The following NXPE2 variants were observed in gnomAD, a reference collection of about 807,000 sequenced individuals.
NXPE2 encodes the protein neurexophilin and PC-esterase domain family member 2, also known as NXPE family member 2.
A neutral mutation model predicts 34.4 loss-of-function variants in NXPE2; 34 were observed. That is an observed-to-expected ratio of 0.99 (90% CI 0.75 to 1.31). The LOEUF is 1.31. Among genes scored for constraint, NXPE2 ranks in the 40% most tolerant of loss-of-function variants. NXPE2 has a pLI of 0.00. For missense variants in NXPE2, 649 were observed against 672.5 expected, an observed-to-expected ratio of 0.97 and a Z score of 0.39; for synonymous variants, 235 against 231.3, an observed-to-expected ratio of 1.02 and a Z score of -0.15.
chr11:114,759,279 A>T, the NXPE2 span, among the ~76,000 whole-genome samples: 1 of 152,204 alleles, frequency 6.6e-6, no homozygotes, highest in East Asian at 1.9e-4. Flanking sequence ...CTTCAGACCC[A>T]GGCCATCTAG....
the NXPE2 span, among the ~76,000 whole-genome samples, chr11:114,602,332 A>G: frequency 7.2e-4 from 88 of 122,068 alleles, no homozygotes; most frequent in Admixed American, 2.0e-3. Flanking sequence ...TACTATATAT[A>G]TGTTATCTAT....
chr11:114,662,000 C>T, the NXPE2 span, among the ~76,000 whole-genome samples: 1 of 152,090 alleles, frequency 6.6e-6, no homozygotes, highest in Non-Finnish European at 1.5e-5. Context: ...TAGAAGGCTC[C>T]ACCAATCACC....
the NXPE2 span, among the ~76,000 whole-genome samples, chr11:114,733,016 T>C: frequency 9.9e-5 from 15 of 152,206 alleles, no homozygotes; most frequent in African/African-American, 1.9e-4. Flanking sequence ...CAGTTTGCTC[T>C]TTTAACTAGT....
chr11:114,537,063 A>G, the NXPE2 span, among the ~76,000 whole-genome samples: 121 of 152,324 alleles, frequency 7.9e-4, no homozygotes, highest in Non-Finnish European at 1.2e-3. Flanking sequence ...CCAGCAACAC[A>G]TCAAAAAGCT....
At chr11:114,756,136 A>C in the NXPE2 span, among the ~76,000 whole-genome samples, 1 of 152,086 alleles carries the variant, frequency 6.6e-6, no homozygotes, top group African/African-American at 2.4e-5. Flanking sequence ...GGGCCCATTA[A>C]GTGGTTTTCT....
chr11:114,792,777 C>T, the NXPE2 span, among the ~76,000 whole-genome samples: 25 of 152,176 alleles, frequency 1.6e-4, no homozygotes, highest in Non-Finnish European at 5.9e-5. Flanking sequence ...ACAAGAGCTG[C>T]CATTAATTGA....
chr11:114,536,935 C>G, the NXPE2 span, among the ~76,000 whole-genome samples: 4 of 152,156 alleles, frequency 2.6e-5, no homozygotes. Context: ...TTTTATGAAG[C>G]CAGCATCATC....
the NXPE2 span, among the ~76,000 whole-genome samples, chr11:114,478,478 C>T: frequency 6.6e-6 from 1 of 152,044 alleles, no homozygotes; most frequent in South Asian, 2.1e-4. Flanking sequence ...GGTGTCTTTC[C>T]CTTTCCCTTT....
At chr11:114,476,779 C>A in the NXPE2 span, among the ~76,000 whole-genome samples, 1 of 152,074 alleles carries the variant, frequency 6.6e-6, no homozygotes, top group South Asian at 2.1e-4. Context: ...TTGCCCAACA[C>A]CTGGAGATTA....
chr11:114,686,681 G>A (rs563780047), intron 2 of NXPE2, among the ~76,000 whole-genome samples: 14 of 152,232 alleles, frequency 9.2e-5, no homozygotes, highest in African/African-American at 3.4e-4. Context: ...TTAGTTATTT[G>A]AGAAATCTTC....
chr11:114,589,427 G>A, the NXPE2 span, among the ~76,000 whole-genome samples: 1 of 152,094 alleles, frequency 6.6e-6, no homozygotes, highest in Non-Finnish European at 1.5e-5. Flanking sequence ...ATAGCATGAG[G>A]GGTGTGGGGT....
At chr11:114,786,776 C>T in the NXPE2 span, among the ~76,000 whole-genome samples, 1 of 151,988 alleles carries the variant, frequency 6.6e-6, no homozygotes, top group Non-Finnish European at 1.5e-5. Flanking sequence ...TCACATCCAG[C>T]TGCCCCACAC....
chr11:114,794,743 C>CT, the NXPE2 span, among the ~76,000 whole-genome samples: 4 of 152,116 alleles, frequency 2.6e-5, no homozygotes, highest in African/African-American at 9.7e-5. Context: ...CATGGGGAAT[C>CT]TTTAAATTAG....
At chr11:114,608,742 T>A in the NXPE2 span, among the ~76,000 whole-genome samples, 1 of 151,814 alleles carries the variant, frequency 6.6e-6, no homozygotes, top group Admixed American at 6.6e-5. Flanking sequence ...TAACCACTGT[T>A]ACCCAATGGA....
chr11:114,644,035 G>A, the NXPE2 span, among the ~76,000 whole-genome samples: 2 of 151,238 alleles, frequency 1.3e-5, no homozygotes, highest in East Asian at 1.9e-4. Context: ...ATTGTGAATG[G>A]GAGTTCACTA....
At chr11:114,649,605 ATTTTCTAAC>A in the NXPE2 span, among the ~76,000 whole-genome samples, 1 of 152,130 alleles carries the variant, frequency 6.6e-6, no homozygotes, top group Admixed American at 6.5e-5. Context: ...GATGATGAAA[ATTTTCTAAC>A]TTATGAAGAT....
the NXPE2 span, among the ~76,000 whole-genome samples, chr11:114,610,457 AAGTGTTGTTTCTAG>A: frequency 6.6e-6 from 1 of 151,882 alleles, no homozygotes; most frequent in African/African-American, 2.4e-5. Flanking sequence ...GGTGGATAAT[AAGTGTTGTTTCTAG>A]GGTAACCACT....
At chr11:114,759,482 A>C in the NXPE2 span, among the ~76,000 whole-genome samples, 9 of 152,254 alleles carry the variant, frequency 5.9e-5, no homozygotes, top group Non-Finnish European at 1.3e-4. Flanking sequence ...ACATCCTTTT[A>C]ACTAACACCT....
the NXPE2 span, among the ~76,000 whole-genome samples, chr11:114,765,372 G>A: frequency 5.3e-5 from 8 of 152,116 alleles, no homozygotes; most frequent in Non-Finnish European, 1.2e-4. Flanking sequence ...CCAACAGCAC[G>A]TGCTCACTCC....
Sources: allele counts gnomAD v4.1 joint callset (sites outside exome capture counted in the v4.1 genomes callset), GRCh38; gene constraint gnomAD v4.1.1; transcripts MANE v1.5; gene names NCBI Gene and HGNC (gene_info 2026-07-23, HGNC 2026-07-21).